Variants in PARVA observed in about 807,000 individuals in gnomAD.
PARVA encodes the protein alpha-parvin.
PARVA carries 25 observed loss-of-function variants against 52.6 expected under a neutral mutation model. The observed-to-expected ratio is 0.48, with a 90% CI of 0.35 to 0.66. The LOEUF (loss-of-function observed/expected upper bound fraction) is 0.66. PARVA is among the 30% of genes least tolerant of loss of function. The pLI, the probability that PARVA is intolerant of heterozygous loss-of-function variation, is 0.01. For synonymous variants in PARVA, 185 were observed against 179.1 expected, an observed-to-expected ratio of 1.03 and a Z score of -0.26; for missense variants, 373 against 450.9, an observed-to-expected ratio of 0.83 and a Z score of 1.56.
rs142330915 is a variant in PARVA at position 12,464,673 on chromosome 11, T to G, written c.137-9072T>G. On this transcript the variant is annotated intron_variant, in intron 1 of 12. Coordinates refer to ENST00000334956, the MANE Select transcript of PARVA (RefSeq NM_018222.5). ...TCCTTGGGTCCTCTAACCTTCTAAA[T>G]GATTTTTTAATTTGCTTACATTAAG... is the stretch of plus-strand genomic sequence containing the variant. Among the ~76,000 whole-genome samples the G allele has an allele frequency of 4.8e-3, 730 of 152,328 alleles. 4 individuals are homozygous for G. The highest frequency in any genetic ancestry group is 0.016 in the African/African-American group (669 of 41,572).
chr11:12,423,202 A>G (rs1343624132), intron 1 of PARVA, among the ~76,000 whole-genome samples: 3 of 116,102 alleles, frequency 2.6e-5, no homozygotes, highest in Admixed American at 8.9e-5. Context: ...TTTTTTTTTG[A>G]GACGGGGTCT....
At chr11:12,458,617 G>C (rs1940730998) in intron 1 of PARVA, among the ~76,000 whole-genome samples, 1 of 152,156 alleles carries the variant, frequency 6.6e-6, no homozygotes, top group African/African-American at 2.4e-5. Flanking sequence ...CTGGGGAAAG[G>C]GGAGAAAGAC....
At chr11:12,435,798 G>T (rs1375861284) in intron 1 of PARVA, among the ~76,000 whole-genome samples, 1 of 151,840 alleles carries the variant, frequency 6.6e-6, no homozygotes, top group African/African-American at 2.4e-5. Flanking sequence ...TTTTGTTGTT[G>T]TTGTTGTTTT....
intron 1 of PARVA, among the ~76,000 whole-genome samples, chr11:12,414,993 G>A (rs1266987647): frequency 6.6e-6 from 1 of 152,196 alleles, no homozygotes; most frequent in African/African-American, 2.4e-5. Flanking sequence ...AGAATGTAAG[G>A]GTGGACCTAG....
At chr11:12,522,848 AAG>A (rs1189953721) in intron 12 of PARVA, among the ~76,000 whole-genome samples, 4 of 152,150 alleles carry the variant, frequency 2.6e-5, no homozygotes, top group African/African-American at 4.8e-5. Flanking sequence ...GAAATACAAA[AAG>A]AGGCAACATT....
intron 1 of PARVA, among the ~76,000 whole-genome samples, chr11:12,420,504 G>A (rs1559842): frequency 0.48 from 72,438 of 151,980 alleles, 18,610 homozygotes; most frequent in South Asian, 0.72. Flanking sequence ...TTGAGAGATT[G>A]GAGCAGACAC....
In PARVA at chr11:12,527,865, C is replaced by T. The variant is rs1417699007; in HGVS notation, c.1059C>T (p.Asp353=). Residue 353 remains aspartate (D), a synonymous_variant, in exon 13 of 13, where the codon GAC becomes GAT. Coordinates refer to ENST00000334956, the MANE Select transcript of PARVA (RefSeq NM_018222.5). ...TCTACGCAGACATAGTCAACTGTGA[C>T]CTGAAATCTACACTACGAGTGTTGT... ...KPRPEDIVNC[D]LKSTLRVLYN... 6.2e-7 allele frequency: 1 copy of T among 1,604,860 alleles called. No individual in the cohort carries two copies.
At position 12,529,705 on chromosome 11, in the gene PARVA, C is replaced by T. The variant is rs1941748439; in HGVS notation, c.*1780C>T. On this transcript the variant is annotated 3_prime_UTR_variant, in exon 13 of 13. Transcript: ENST00000334956. ...TTATTTCTTACTGTACTGTCTCTTACTGTACTGTCTATCTGCAGTAATTGA... is the reference window on the plus strand; with the variant it reads ...TTATTTCTTACTGTACTGTCTCTTATTGTACTGTCTATCTGCAGTAATTGA... 1 of 152,184 alleles carries T rather than the reference C, an allele frequency of 6.6e-6. No individual in the cohort carries two copies. The highest frequency in any genetic ancestry group is 2.4e-5 in the African/African-American group (1 of 41,436). The allele number at this position is 152,184 out of a possible 1,614,324, so 9.4% of individuals were successfully genotyped here.
intron 7 of PARVA, among the ~76,000 whole-genome samples, chr11:12,510,954 A>G (rs1188811209): frequency 6.6e-6 from 1 of 152,150 alleles, no homozygotes; most frequent in African/African-American, 2.4e-5. Flanking sequence ...TCTTGATACT[A>G]TGCTGCTTCT....
At chr11:12,407,711 G>T (rs566874239) in intron 1 of PARVA, among the ~76,000 whole-genome samples, 1 of 152,218 alleles carries the variant, frequency 6.6e-6, no homozygotes, top group East Asian at 1.9e-4. Flanking sequence ...AGGCCTGGAA[G>T]TATTAGGTTC....
At chr11:12,516,950 T>C (rs1941575413) in intron 10 of PARVA, among the ~76,000 whole-genome samples, 1 of 152,122 alleles carries the variant, frequency 6.6e-6, no homozygotes, top group Admixed American at 6.5e-5. Context: ...ACAGCTGCAC[T>C]CTGCTGCTGT....
At chr11:12,489,506 A>G (rs1941204253) in intron 4 of PARVA, among the ~76,000 whole-genome samples, 1 of 152,200 alleles carries the variant, frequency 6.6e-6, no homozygotes, top group Non-Finnish European at 1.5e-5. Context: ...GTCTAAGTAG[A>G]TGCAACATAC....
chr11:12,506,132 C>T lies in PARVA; in HGVS notation c.657+1703C>T, dbSNP rs552784997. Among the ~76,000 whole-genome samples the T allele has an allele frequency of 8.8e-4, 134 of 152,146 alleles. 1 individual carries two copies. Among genetic ancestry groups the T allele is most frequent in the South Asian group, 2.3e-3 (11 of 4,816 alleles). Reference sequence around the variant, plus strand: ...AAATCTCTGGAAATGTCTGTACCTTCCTCTCAATTTTGCTGTGAACCTCAG... The same window carrying T: ...AAATCTCTGGAAATGTCTGTACCTTTCTCTCAATTTTGCTGTGAACCTCAG... On this transcript the variant is annotated intron_variant, in intron 6 of 12. Coordinates refer to ENST00000334956, the MANE Select transcript of PARVA (RefSeq NM_018222.5).
At chr11:12,390,269 G>T (rs769493724) in intron 1 of PARVA, among the ~76,000 whole-genome samples, 2 of 152,182 alleles carry the variant, frequency 1.3e-5, no homozygotes, top group Non-Finnish European at 2.9e-5. Flanking sequence ...CATGGTTTTG[G>T]CCGTGCGATG....
chr11:12,473,460 A>G (rs140559981), intron 1 of PARVA, among the ~76,000 whole-genome samples: 22 of 152,286 alleles, frequency 1.4e-4, no homozygotes, highest in African/African-American at 5.3e-4. Flanking sequence ...GCTTCCATTC[A>G]TTCCGAAATC....
chr11:12,424,715 A>G (rs6485725), intron 1 of PARVA, among the ~76,000 whole-genome samples: 29,620 of 152,108 alleles, frequency 0.19, 5,198 homozygotes, highest in African/African-American at 0.47. Context: ...ATTTACGTCT[A>G]TAATCATTGT....
Position 12,518,509 on chromosome 11 carries a change from G to A in PARVA, c.1034G>A (p.Arg345Gln), listed in dbSNP as rs967114316. The stretch of plus-strand genomic sequence containing the variant: ...GGAGGGTTGGAAAAGCCAAAACCGC[G>A]GCCAGAAGGTACTTTGCTCTTTCCT... ...QDGGLEKPKP[R>Q]PEDIVNCDLK... Residue 345 changes from arginine (R) to glutamine (Q), a missense_variant, in exon 12 of 13, where the codon CGG (arginine) becomes CAG (glutamine). By Grantham distance (43) the Arg-to-Gln change is conservative. Coordinates refer to ENST00000334956, the MANE Select transcript of PARVA (RefSeq NM_018222.5). 12 of 1,612,508 alleles carry A rather than the reference G, an allele frequency of 7.4e-6. No homozygotes were observed. Among genetic ancestry groups the A allele is most frequent in the African/African-American group, 1.3e-5 (1 of 74,998 alleles).
intron 1 of PARVA, among the ~76,000 whole-genome samples, chr11:12,466,003 G>T (rs940282096): frequency 3.9e-5 from 6 of 152,164 alleles, no homozygotes; most frequent in Admixed American, 1.3e-4. Context: ...CCTTGCCAGT[G>T]TTTAGTGTTG....
intron 12 of PARVA, among the ~76,000 whole-genome samples, chr11:12,524,359 G>T (rs189889929): frequency 6.6e-6 from 1 of 152,202 alleles, no homozygotes; most frequent in Non-Finnish European, 1.5e-5. Context: ...TCAAACTTCT[G>T]TGAACATAAA....
Sources: gnomAD v4.1 joint callset for allele counts (sites outside exome capture counted in the v4.1 genomes callset) on GRCh38, gnomAD v4.1.1 for gene constraint, MANE v1.5 for transcripts, NCBI Gene and HGNC (gene_info 2026-07-23, HGNC 2026-07-21) for gene names.